TXNRD1: variants seen among roughly 807,000 people sequenced by gnomAD.
The protein encoded by TXNRD1 is thioredoxin reductase 1, cytoplasmic.
In TXNRD1, 57 loss-of-function variants were observed where a neutral mutation model predicts 80.3. The observed-to-expected ratio is 0.71, with a 90% CI of 0.57 to 0.89. The LOEUF is 0.89. Among genes scored for constraint, TXNRD1 ranks in the 40% least tolerant of loss-of-function variants. The pLI is 0.00. For missense variants in TXNRD1, 730 were observed against 803.0 expected (o/e 0.91, Z 1.10); for synonymous variants, 291 against 285.2 (o/e 1.02, Z -0.20).
intron 3 of TXNRD1, chr12:104,265,809 C>G (rs1314135793): frequency 1.3e-6 from 2 of 1,528,202 alleles, no homozygotes; most frequent in African/African-American, 2.7e-5. Context: ...AGCCACGCTT[C>G]ACCACCAAGA....
rs35044879 is a variant in TXNRD1, at chr12:104,348,472, G to A, written c.*51G>A. On this transcript the variant is annotated 3_prime_UTR_variant, in exon 17 of 17. Transcript: ENST00000525566. The stretch of plus-strand genomic sequence containing the variant: ...GACTGCAAACCACTGGCTCGTTTCC[G>A]TGCCCAAATCCAAGGCGAAGTTTTC... The A allele has an allele frequency of 3.9e-5, 62 of 1,592,474 alleles. No homozygotes were observed. The highest frequency in any genetic ancestry group is 2.4e-4 in the African/African-American group (18 of 74,414).
chr12:104,305,023 C>G, intron 4 of TXNRD1: 7 of 1,321,686 alleles, frequency 5.3e-6, no homozygotes, highest in Non-Finnish European at 7.1e-6. Flanking sequence ...TATTGTATCT[C>G]TTGTAAAGTG....
At chr12:104,273,871 G>A (rs1394897011) in intron 3 of TXNRD1, among the ~76,000 whole-genome samples, 2 of 152,080 alleles carry the variant, frequency 1.3e-5, no homozygotes, top group South Asian at 2.1e-4. Flanking sequence ...CTAACACGGT[G>A]CAACCCTGTC....
At chr12:104,231,445 G>A (rs370937858) in intron 1 of TXNRD1, among the ~76,000 whole-genome samples, 1 of 152,146 alleles carries the variant, frequency 6.6e-6, no homozygotes, top group East Asian at 1.9e-4. Context: ...AGAATACAGG[G>A]TTCAAATATT....
Position 104,339,265 on chromosome 12 carries a change from T to C in TXNRD1, c.1873T>C (p.Cys625Arg). 1 of 1,613,956 alleles carries C rather than the reference T, an allele frequency of 6.2e-7. No homozygotes were observed. Among genetic ancestry groups the C allele is most frequent in the African/African-American group, 1.3e-5 (1 of 75,046 alleles). ...LDSTIGIHPV[C>R]AEVFTTLSVT... is the part of the protein sequence containing the mutation. ...CAGCACAATTGGAATCCACCCTGTC[T>C]GTGCAGAGGTGGGTCATCTACACTT... Residue 625 changes from cysteine to arginine, a missense_variant, in exon 16 of 17, where the codon TGT becomes CGT. Transcript: ENST00000525566.
chr12:104,334,601 A>G (rs1247167038), intron 15 of TXNRD1, among the ~76,000 whole-genome samples: 1 of 152,116 alleles, frequency 6.6e-6, no homozygotes, highest in Non-Finnish European at 1.5e-5. Context: ...TGAACACCTG[A>G]CCTCGTAATC....
chr12:104,265,634 G>A (rs2033467132), intron 3 of TXNRD1: 2 of 1,607,298 alleles, frequency 1.2e-6, no homozygotes, highest in Non-Finnish European at 8.5e-7. Context: ...GTCACCCAGT[G>A]CTACCGAGAC....
intron 16 of TXNRD1, among the ~76,000 whole-genome samples, chr12:104,344,451 A>T (rs1351839450): frequency 2.0e-5 from 3 of 152,132 alleles, no homozygotes; most frequent in Non-Finnish European, 4.4e-5. Context: ...TGGACATTTT[A>T]AAAAATTATT....
At chr12:104,297,888 T>C (rs1040130700) in intron 4 of TXNRD1, among the ~76,000 whole-genome samples, 5 of 152,222 alleles carry the variant, frequency 3.3e-5, no homozygotes, top group Non-Finnish European at 5.9e-5. Context: ...CATTGCTGCC[T>C]TTTGAGGTGT....
intron 1 of TXNRD1, among the ~76,000 whole-genome samples, chr12:104,244,474 A>T (rs750609989): frequency 7.2e-5 from 11 of 152,206 alleles, no homozygotes; most frequent in Non-Finnish European, 1.6e-4. Context: ...TGGGAAATAC[A>T]GGAAAGAAAA....
chr12:104,278,260 G>T (rs2033800131), intron 3 of TXNRD1, among the ~76,000 whole-genome samples: 1 of 144,144 alleles, frequency 6.9e-6, no homozygotes, highest in East Asian at 2.0e-4. Context: ...GAGTGCAGTG[G>T]CGTGATCTCG....
chr12:104,229,562 CATTTT>C lies in TXNRD1; in HGVS notation c.91+13704_91+13708del, dbSNP rs201478909. ...AACAGTGCATTGTATGAATATACAA[CATTTT>C]ATTTTATTTTATTTTATTTTATTTT... is the stretch of plus-strand genomic sequence containing the variant. On this transcript the variant is annotated intron_variant, in intron 1 of 16. Transcript: ENST00000525566. 8.7e-4 allele frequency among the ~76,000 whole-genome samples: 124 copies of C among 141,982 alleles called. 1 individual carries two copies. Among genetic ancestry groups the C allele is most frequent in the African/African-American group, 2.1e-3 (74 of 35,354 alleles). The allele number at this position is 141,982 out of a possible 152,430, so 93.1% of individuals were successfully genotyped here.
At chr12:104,247,215 C>G (rs879476375) in intron 1 of TXNRD1, among the ~76,000 whole-genome samples, 1 of 152,114 alleles carries the variant, frequency 6.6e-6, no homozygotes, top group Non-Finnish European at 1.5e-5. Flanking sequence ...ATACAGGCAC[C>G]CGCCATTATG....
intron 1 of TXNRD1, among the ~76,000 whole-genome samples, chr12:104,223,924 A>G (rs980515378): frequency 6.6e-6 from 1 of 152,192 alleles, no homozygotes; most frequent in African/African-American, 2.4e-5. Context: ...GTGTGGGCAG[A>G]GTAGTGTGGG....
At chr12:104,314,643 T>C (rs1459172406) in intron 6 of TXNRD1, among the ~76,000 whole-genome samples, 1 of 152,056 alleles carries the variant, frequency 6.6e-6, no homozygotes, top group Non-Finnish European at 1.5e-5. Context: ...AACCTATTTT[T>C]AGGGAGCAAG....
At chr12:104,309,999 C>G (rs2035073866) in intron 4 of TXNRD1, 1 of 1,536,150 alleles carries the variant, frequency 6.5e-7, no homozygotes, top group South Asian at 1.2e-5. Context: ...ACCGCACCCC[C>G]TTCCACATCC....
At chr12:104,216,983 G>A (rs747072428) in intron 1 of TXNRD1, among the ~76,000 whole-genome samples, 4 of 152,186 alleles carry the variant, frequency 2.6e-5, no homozygotes, top group Non-Finnish European at 5.9e-5. Flanking sequence ...GGTGTCTGAA[G>A]GGAGAACATT....
At chr12:104,318,887 AGAT>A (rs764586706) in intron 7 of TXNRD1, 23 bp from the exon 8 acceptor site, 1 of 1,586,942 alleles carries the variant, frequency 6.3e-7, no homozygotes, top group South Asian at 1.2e-5. Flanking sequence ...AAGCCAAACA[AGAT>A]TTTGTTTTAT....
At position 104,325,300 on chromosome 12, in the gene TXNRD1, G is replaced by GAGAA. The variant is rs752382787; in HGVS notation, c.1216-37_1216-36insAGAA. The GAGAA allele has an allele frequency of 5.3e-6, 8 of 1,500,794 alleles. No individual in the cohort carries two copies. In the African/African-American group the frequency reaches 1.1e-4, roughly 21 times the overall value. 93.0% of individuals were successfully genotyped at this position (1,500,794 alleles called of 1,614,324 possible). A position where few individuals can be genotyped will look rare whatever the true frequency, so the allele number is the denominator to read the frequency against. On this transcript the variant is annotated intron_variant, in intron 10 of 16. Coordinates refer to ENST00000525566, the MANE Select transcript of TXNRD1 (RefSeq NM_001093771.3). ...AGGTAGAGAATCCAACTTGATAAATGTCTTTATTTCACAGTAAAACTTTAT... is the reference window on the plus strand; with the variant it reads ...AGGTAGAGAATCCAACTTGATAAATGAGAATCTTTATTTCACAGTAAAACTTTAT...
Sources: allele counts gnomAD v4.1 joint callset (sites outside exome capture counted in the v4.1 genomes callset), GRCh38; gene constraint gnomAD v4.1.1; transcripts MANE v1.5; gene names NCBI Gene and HGNC (gene_info 2026-07-23, HGNC 2026-07-21).